LRSAM1: variants seen among roughly 807,000 people sequenced by gnomAD.
The protein encoded by LRSAM1 is leucine rich repeat and sterile alpha motif containing 1.
A neutral mutation model predicts 118.1 loss-of-function variants in LRSAM1; 96 were observed. The ratio of observed to expected loss-of-function variants is 0.81; its 90% CI spans 0.69 to 0.96. The LOEUF is 0.96. Among genes scored for constraint, LRSAM1 ranks in the 40% least tolerant of loss-of-function variants. The pLI is 0.00. For missense variants in LRSAM1, 804 were observed against 915.5 expected, an observed-to-expected ratio of 0.88 and a Z score of 1.57; for synonymous variants, 322 against 364.2, an observed-to-expected ratio of 0.88 and a Z score of 1.32.
At chr9:127,469,532 A>T (rs1221128017) in intron 10 of LRSAM1, among the ~76,000 whole-genome samples, 1 of 152,076 alleles carries the variant, frequency 6.6e-6, no homozygotes, top group African/African-American at 2.4e-5. Flanking sequence ...AAATTGCACA[A>T]CATCATCTTA....
intron 10 of LRSAM1, among the ~76,000 whole-genome samples, chr9:127,472,013 G>A (rs1274128901): frequency 6.6e-6 from 1 of 151,392 alleles, no homozygotes; most frequent in Non-Finnish European, 1.5e-5. Context: ...CCAGGCTGGA[G>A]TGCGGTGGCG....
rs1478962590 is a variant in LRSAM1, at chr9:127,466,531, C to CT, written c.529-1209_529-1208insT. Among the ~76,000 whole-genome samples the CT allele has an allele frequency of 2.9e-3, 126 of 43,436 alleles. 13 individuals are homozygous for CT. The highest frequency in any genetic ancestry group is 0.014 in the African/African-American group (121 of 8,566). 28.5% of individuals were successfully genotyped at this position (43,436 alleles called of 152,430 possible). On this transcript the variant is annotated intron_variant, in intron 9 of 25. Coordinates refer to ENST00000300417, the MANE Select transcript of LRSAM1 (RefSeq NM_001005373.4). ...TTTTTTTTTTTTTTTTTTTTTTTTT[C>CT]CACTAGAGATGGGGTCTCGCTATGT...
chr9:127,490,343 C>T (rs182741521), intron 19 of LRSAM1, among the ~76,000 whole-genome samples: 39 of 151,888 alleles, frequency 2.6e-4, no homozygotes, highest in Admixed American at 2.4e-3. Context: ...GGACATGAAG[C>T]TCATTCCTCT....
chr9:127,467,474 A>G (rs1419728669), intron 9 of LRSAM1, among the ~76,000 whole-genome samples: 1 of 152,150 alleles, frequency 6.6e-6, no homozygotes, highest in Non-Finnish European at 1.5e-5. Flanking sequence ...GCAGGTGAAG[A>G]AACTAAAATG....
At chr9:127,467,609 C>A in intron 9 of LRSAM1, 131 bp from the exon 10 acceptor site, 1 of 881,284 alleles carries the variant, frequency 1.1e-6, no homozygotes, top group Non-Finnish European at 1.8e-6. Flanking sequence ...CAAGACAGTT[C>A]AGCCACCTCT....
chr9:127,479,555 T>C (rs898386931), intron 13 of LRSAM1, 50 bp downstream of exon 13: 2 of 1,608,966 alleles, frequency 1.2e-6, no homozygotes, highest in Non-Finnish European at 1.7e-6. Context: ...CCCCAGCCAG[T>C]GGCCTCCTGG....
At chr9:127,493,089 TCTCA>T (rs1835992866) in intron 21 of LRSAM1, among the ~76,000 whole-genome samples, 192 bp downstream of exon 21, 1 of 152,214 alleles carries the variant, frequency 6.6e-6, no homozygotes, top group Non-Finnish European at 1.5e-5. Context: ...TGAGACAGGG[TCTCA>T]CTCTGTCGCC....
intron 7 of LRSAM1, 84 bp downstream of exon 7, chr9:127,459,155 C>T (rs1269984707): frequency 7.3e-7 from 1 of 1,372,264 alleles, no homozygotes; most frequent in Non-Finnish European, 1.0e-6. Context: ...TCTGGCCGGG[C>T]TCCAGCCAGT....
At chr9:127,484,070 A>G (rs189016792) in intron 16 of LRSAM1, among the ~76,000 whole-genome samples, 3 of 152,144 alleles carry the variant, frequency 2.0e-5, no homozygotes, top group African/African-American at 4.8e-5. Context: ...CCTAGTAAAC[A>G]CTAACTCCCC....
chr9:127,476,799 C>T (rs1002164506), intron 11 of LRSAM1, among the ~76,000 whole-genome samples: 2 of 152,048 alleles, frequency 1.3e-5, no homozygotes, highest in African/African-American at 4.8e-5. Flanking sequence ...CTTAGCCTCC[C>T]GAGTAGCTGG....
At chr9:127,475,901 C>T (rs188901640) in intron 11 of LRSAM1, among the ~76,000 whole-genome samples, 13 of 152,072 alleles carry the variant, frequency 8.5e-5, no homozygotes, top group Non-Finnish European at 1.6e-4. Flanking sequence ...CCACCATGCC[C>T]GGCTAATTTT....
At chr9:127,479,192 G>A (rs1835440948) in intron 12 of LRSAM1, among the ~76,000 whole-genome samples, 191 bp from the exon 13 acceptor site, 1 of 152,170 alleles carries the variant, frequency 6.6e-6, no homozygotes, top group South Asian at 2.1e-4. Context: ...CCAGCACCGG[G>A]CTCTAGACCA....
intron 9 of LRSAM1, 107 bp downstream of exon 9, chr9:127,462,480 A>T (rs1356394781): frequency 1.3e-6 from 2 of 1,559,296 alleles, no homozygotes; most frequent in Non-Finnish European, 1.8e-6. Flanking sequence ...AGGGCCACAC[A>T]GAGATCCCAA....
At chr9:127,484,339 A>G (rs111669564) in intron 16 of LRSAM1, among the ~76,000 whole-genome samples, 3 of 143,036 alleles carry the variant, frequency 2.1e-5, no homozygotes, top group Admixed American at 7.2e-5. Flanking sequence ...CCTTTTTAAT[A>G]GTAAATAACG....
In LRSAM1 at chr9:127,461,543, G is replaced by A. The variant is rs7858206; in HGVS notation, c.406+286G>A. On this transcript the variant is annotated intron_variant, in intron 8 of 25. Coordinates refer to ENST00000300417, the MANE Select transcript of LRSAM1 (RefSeq NM_001005373.4). ...GTCACTCATATTTATAATGGTGAGTGTAGAGGACTGATGGGGCGAGAGCTC... is the reference window on the plus strand; with the variant it reads ...GTCACTCATATTTATAATGGTGAGTATAGAGGACTGATGGGGCGAGAGCTC... 0.11 allele frequency among the ~76,000 whole-genome samples: 16,291 copies of A among 152,304 alleles called. 1,400 individuals carry two copies. The highest frequency in any genetic ancestry group is 0.28 in the Admixed American group (4,297 of 15,298).
intron 21 of LRSAM1, among the ~76,000 whole-genome samples, chr9:127,493,164 C>T (rs1384848909): frequency 6.6e-6 from 1 of 152,130 alleles, no homozygotes; most frequent in Non-Finnish European, 1.5e-5. Flanking sequence ...TGGGCTCAAG[C>T]GATCCTCCCA....
chr9:127,479,954 A>G lies in LRSAM1; in HGVS notation c.1019A>G (p.Gln340Arg), dbSNP rs1023172311. 2 of 1,614,100 alleles carry G rather than the reference A, an allele frequency of 1.2e-6. No individual in the cohort carries two copies. Among genetic ancestry groups the G allele is most frequent in the East Asian group, 2.2e-5 (1 of 44,882 alleles). ...QTEQNISSRI[Q>R]KLLQDNQRQK... ...GAACAGAACATTTCCAGCCGGATCCAGAAGCTGCTGCAGGACAATCAGAGG... is the reference window on the plus strand; with the variant it reads ...GAACAGAACATTTCCAGCCGGATCCGGAAGCTGCTGCAGGACAATCAGAGG... Residue 340 changes from glutamine (Q) to arginine (R), a missense_variant, in exon 14 of 26, where the codon CAG (glutamine) becomes CGG (arginine). Gln to Arg is a conservative substitution (Grantham distance 43). Coordinates refer to ENST00000300417, the MANE Select transcript of LRSAM1 (RefSeq NM_001005373.4).
chr9:127,493,139 GC>G (rs1244853989), intron 21 of LRSAM1, among the ~76,000 whole-genome samples: 1 of 152,190 alleles, frequency 6.6e-6, no homozygotes, highest in South Asian at 2.1e-4. Context: ...TCAGCTCACT[GC>G]AGCCTTGACT....
chr9:127,500,883 C>T (rs1205917908), intron 24 of LRSAM1, 127 bp from the exon 25 acceptor site: 1 of 1,313,448 alleles, frequency 7.6e-7, no homozygotes, highest in Admixed American at 1.7e-5. Flanking sequence ...TCCCTCAGAT[C>T]TGAGAGCAGA....
Sources: allele counts gnomAD v4.1 joint callset (sites outside exome capture counted in the v4.1 genomes callset), GRCh38; gene constraint gnomAD v4.1.1; transcripts MANE v1.5; gene names NCBI Gene and HGNC (gene_info 2026-07-23, HGNC 2026-07-21).